The following GALNT8 variants were observed in gnomAD, a reference collection of about 807,000 sequenced individuals.
The protein encoded by GALNT8 is polypeptide N-acetylgalactosaminyltransferase 8.
GALNT8 carries 66 observed loss-of-function variants against 62.7 expected under a neutral mutation model. The observed-to-expected ratio is 1.05, with a 90% CI of 0.86 to 1.29. The LOEUF (loss-of-function observed/expected upper bound fraction) is 1.29, where lower values mean the gene tolerates loss of function less well. Among genes scored for constraint, GALNT8 ranks in the 50% most tolerant of loss-of-function variants. The pLI is 0.00. For synonymous variants in GALNT8, 288 were observed against 294.3 expected, an observed-to-expected ratio of 0.98 and a Z score of 0.22; for missense variants, 771 against 791.8, an observed-to-expected ratio of 0.97 and a Z score of 0.32.
intron 10 of GALNT8, among the ~76,000 whole-genome samples, chr12:4,766,430 G>A (rs1946400164): frequency 6.6e-6 from 1 of 152,204 alleles, no homozygotes; most frequent in South Asian, 2.1e-4. Context: ...GGTGCCTGGA[G>A]CAGAAGAGTG....
chr12:4,754,533 A>G (rs918557884), intron 6 of GALNT8, among the ~76,000 whole-genome samples: 2 of 152,090 alleles, frequency 1.3e-5, no homozygotes, highest in African/African-American at 4.8e-5. Context: ...TTAGGGCCCA[A>G]GGACTCTCAA....
In GALNT8 at chr12:4,724,730, G is replaced by A. The variant is rs116249240; in HGVS notation, c.212-1802G>A. Among the ~76,000 whole-genome samples the A allele has an allele frequency of 6.7e-3, 1,025 of 152,212 alleles. 13 individuals are homozygous for A. Among genetic ancestry groups the A allele is most frequent in the African/African-American group, 0.024 (981 of 41,528 alleles). Reference sequence around the variant, plus strand: ...ATTTACTTTTTGCCCAAGTTTTTTCGACTATCCTCTTTTTGTCTTAACCAC... The same window carrying A: ...ATTTACTTTTTGCCCAAGTTTTTTCAACTATCCTCTTTTTGTCTTAACCAC... On this transcript the variant is annotated intron_variant, in intron 1 of 10. Coordinates refer to ENST00000252318, the MANE Select transcript of GALNT8 (RefSeq NM_017417.2).
At position 4,765,508 on chromosome 12, in the gene GALNT8, G is replaced by T; in HGVS notation, c.1723G>T (p.Ala575Ser). ...KPTLEPCSKA[A>S]KNRLHIYWDF... ...CACCTTAGAACCATGCTCCAAGGCAGCTAAGAATAGACTGCATATATATTG... is the reference window on the plus strand; with the variant it reads ...CACCTTAGAACCATGCTCCAAGGCATCTAAGAATAGACTGCATATATATTG... Residue 575 changes from alanine to serine, a missense_variant, in exon 10 of 11, where the codon GCT becomes TCT. Coordinates refer to ENST00000252318, the MANE Select transcript of GALNT8 (RefSeq NM_017417.2). The T allele has an allele frequency of 4.3e-6, 7 of 1,611,502 alleles. No homozygotes were observed. Among genetic ancestry groups the T allele is most frequent in the Non-Finnish European group, 5.9e-6 (7 of 1,179,640 alleles).
intron 6 of GALNT8, among the ~76,000 whole-genome samples, chr12:4,757,496 TA>T (rs1393381566): frequency 6.6e-6 from 1 of 152,202 alleles, no homozygotes; most frequent in Non-Finnish European, 1.5e-5. Context: ...TCTAGGGTGA[TA>T]GGGGCCAAGA....
At chr12:4,751,275 ATGTGATC>A (rs1946321346) in intron 6 of GALNT8, among the ~76,000 whole-genome samples, 1 of 152,104 alleles carries the variant, frequency 6.6e-6, no homozygotes, top group Admixed American at 6.6e-5. Context: ...AAATGGACAA[ATGTGATC>A]TATTAGTTAT....
chr12:4,730,854 G>T (rs552179925), intron 2 of GALNT8, among the ~76,000 whole-genome samples: 2 of 150,296 alleles, frequency 1.3e-5, no homozygotes, highest in East Asian at 3.9e-4. Context: ...AACCTGAGAT[G>T]ATTTTTCTTT....
intron 6 of GALNT8, among the ~76,000 whole-genome samples, chr12:4,755,191 C>T (rs774079220): frequency 6.6e-6 from 1 of 152,206 alleles, no homozygotes; most frequent in Non-Finnish European, 1.5e-5. Context: ...CTAATAGTTG[C>T]CTAGACTGCC....
intron 1 of GALNT8, among the ~76,000 whole-genome samples, chr12:4,721,925 G>C (rs954884535): frequency 1.3e-5 from 2 of 152,116 alleles, no homozygotes; most frequent in Non-Finnish European, 2.9e-5. Context: ...TGTGTCCCTG[G>C]GTACTTGAGA....
At chr12:4,754,719 G>A (rs1946336858) in intron 6 of GALNT8, among the ~76,000 whole-genome samples, 1 of 152,100 alleles carries the variant, frequency 6.6e-6, no homozygotes. Context: ...CCTAAAGCCA[G>A]CAAGTCTCAG....
Position 4,744,827 on chromosome 12 carries a change from C to T in GALNT8, c.860+127C>T, listed in dbSNP as rs560958654. On this transcript the variant is annotated intron_variant, in intron 4 of 10. Coordinates refer to ENST00000252318, the MANE Select transcript of GALNT8 (RefSeq NM_017417.2). ...ACCAGGCCTTAAATAAAGGGAATCT[C>T]CAAAACAGCATGCTTTTATGCAGGG... The T allele has an allele frequency of 9.9e-6, 6 of 608,070 alleles. No homozygotes were observed. In the Admixed American group the frequency reaches 1.0e-4, roughly 10 times the overall value. The allele number at this position is 608,070 out of a possible 1,614,324, so 37.7% of individuals were successfully genotyped here.
At chr12:4,771,640 T>C (rs375945374) in intron 10 of GALNT8, among the ~76,000 whole-genome samples, 4 of 152,204 alleles carry the variant, frequency 2.6e-5, no homozygotes, top group African/African-American at 9.6e-5. Flanking sequence ...CTGAGGATGA[T>C]AGCAGAGTGC....
Position 4,726,592 on chromosome 12 carries a change from C to G in GALNT8, c.272C>G (p.Ala91Gly). Residue 91 changes from alanine (A) to glycine (G), a missense_variant, in exon 2 of 11, where the codon GCG becomes GGG. Coordinates refer to ENST00000252318, the MANE Select transcript of GALNT8 (RefSeq NM_017417.2). The surrounding 1 kb of genome is among the most constrained non-coding windows in gnomAD (Gnocchi z 4.1). ...QENVNSTLKR[A>G]KDEVRPLLKA... The stretch of plus-strand genomic sequence containing the variant: ...AATGTGAACAGCACACTGAAGAGGG[C>G]GAAAGATGAAGTACGCCCTCTTCTA... 1.2e-6 allele frequency: 2 copies of G among 1,613,070 alleles called. No homozygotes were observed. The highest frequency in any genetic ancestry group is 2.2e-5 in the East Asian group (1 of 44,846).
intron 6 of GALNT8, among the ~76,000 whole-genome samples, chr12:4,758,627 TGTGTGTGTGTGAGAGA>T (rs1454080254): frequency 8.6e-4 from 80 of 93,556 alleles, no homozygotes; most frequent in African/African-American, 7.3e-4. Flanking sequence ...TGTGTGTGTG[TGTGTGTGTGTGAGAGA>T]GAGAGAGAGA....
chr12:4,735,783 G>A (rs1482685378), intron 2 of GALNT8, among the ~76,000 whole-genome samples: 2 of 152,150 alleles, frequency 1.3e-5, no homozygotes, highest in East Asian at 1.9e-4. Context: ...TGTAGAGCAG[G>A]GTGTCATTCT....
At chr12:4,745,175 A>T (rs1165102425) in intron 4 of GALNT8, among the ~76,000 whole-genome samples, 1 of 152,236 alleles carries the variant, frequency 6.6e-6, no homozygotes, top group African/African-American at 2.4e-5. Context: ...ATGCTGCTTC[A>T]CAACGGCCTG....
Position 4,770,842 on chromosome 12 carries a change from ATT to A in GALNT8, c.1762-1600_1762-1599del, listed in dbSNP as rs1444221234. On this transcript the variant is annotated intron_variant, in intron 10 of 10. Coordinates refer to ENST00000252318, the MANE Select transcript of GALNT8 (RefSeq NM_017417.2). ...GATAGTAGAGTTAAGGTCTGGGTTT[ATT>A]TTGTCCTTCTAATATCGTGACATTT... is the stretch of plus-strand genomic sequence containing the variant. Among the ~76,000 whole-genome samples the A allele has an allele frequency of 2.6e-5, 4 of 152,184 alleles. No homozygotes were observed. In the East Asian group the frequency reaches 7.7e-4, roughly 29 times the overall value.
chr12:4,754,893 G>C (rs1236259597), intron 6 of GALNT8, among the ~76,000 whole-genome samples: 2 of 152,178 alleles, frequency 1.3e-5, no homozygotes, highest in African/African-American at 4.8e-5. Flanking sequence ...ATGTCATCTG[G>C]GAGCTAGGGC....
At chr12:4,768,000 A>C (rs188873084) in intron 10 of GALNT8, among the ~76,000 whole-genome samples, 5 of 152,196 alleles carry the variant, frequency 3.3e-5, no homozygotes, top group Non-Finnish European at 7.3e-5. Context: ...TTTTTAATTT[A>C]ATAAATTAAA....
intron 1 of GALNT8, among the ~76,000 whole-genome samples, chr12:4,725,128 C>T (rs960678624): frequency 2.0e-5 from 3 of 152,180 alleles, no homozygotes; most frequent in Non-Finnish European, 4.4e-5. Context: ...CAAAGTAGAT[C>T]CTATGTCAGA....
Sources: gnomAD v4.1 joint callset for allele counts (sites outside exome capture counted in the v4.1 genomes callset) on GRCh38, gnomAD v4.1.1 for gene constraint, Gnocchi (gnomAD v3.1) non-coding constraint, MANE v1.5 for transcripts, NCBI Gene and HGNC (gene_info 2026-07-23, HGNC 2026-07-21) for gene names.